PCDHGB5: variants seen among roughly 807,000 people sequenced by gnomAD.
PCDHGB5 encodes protocadherin gamma subfamily B, 5, also known as protocadherin gamma-B5.
A neutral mutation model predicts 62.9 loss-of-function variants in PCDHGB5; 48 were observed. The ratio of observed to expected loss-of-function variants is 0.76; its 90% CI spans 0.61 to 0.97. The LOEUF (loss-of-function observed/expected upper bound fraction) is 0.97. Ranked by LOEUF, PCDHGB5 falls within the 50% of genes least tolerant of loss-of-function variation. The pLI is 0.00. For missense variants in PCDHGB5, 1,118 were observed against 1,198.6 expected (o/e 0.93, Z 0.99); for synonymous variants, 474 against 511.2 (o/e 0.93, Z 0.98).
intron 1 of PCDHGB5, chr5:141,475,832 T>C: frequency 2.4e-6 from 1 of 410,610 alleles, no homozygotes; most frequent in Non-Finnish European, 4.4e-6. Flanking sequence ...CTAGCGCGTG[T>C]CCTGCTCAGA....
Position 141,485,434 on chromosome 5 carries a change from G to T in PCDHGB5, c.2398-9373G>T. The stretch of plus-strand genomic sequence containing the variant: ...TGGACAGCGGAGCCCTGCTCATCAA[G>T]AACCCAATCGACCGAGAGGCACTGT... On this transcript the variant is annotated intron_variant, in intron 1 of 3. Transcript: ENST00000617380. This position sits in a 1 kb window ranked among gnomAD's most constrained non-coding sequence, Gnocchi z 5.7. The T allele has an allele frequency of 6.2e-7, 1 of 1,614,166 alleles. No homozygotes were observed. The highest frequency in any genetic ancestry group is 1.6e-4 in the Middle Eastern group (1 of 6,062).
chr5:141,462,599 T>TGG (rs2099043404), intron 1 of PCDHGB5, among the ~76,000 whole-genome samples: 1 of 152,208 alleles, frequency 6.6e-6, no homozygotes, highest in African/African-American at 2.4e-5. Context: ...CCATTTCATA[T>TGG]ATTGTATTTT....
intron 1 of PCDHGB5, chr5:141,419,244 C>T (rs2096349736): frequency 1.2e-6 from 2 of 1,614,008 alleles, no homozygotes; most frequent in Non-Finnish European, 1.7e-6. Context: ...GTCCACGTGC[C>T]AGAAAACAAC....
At position 141,457,403 on chromosome 5, in the gene PCDHGB5, C is replaced by A. The variant is rs550748216; in HGVS notation, c.2398-37404C>A. On this transcript the variant is annotated intron_variant, in intron 1 of 3. Transcript: ENST00000617380. ...GAACTAGCATATTGATTCACATTTT[C>A]ACATTACCCATCCCTTTTTCCCCCC... Among the ~76,000 whole-genome samples, 4 of 152,328 alleles carry A rather than the reference C, an allele frequency of 2.6e-5. No homozygotes were observed. In the East Asian group the frequency reaches 7.7e-4, roughly 29 times the overall value.
chr5:141,431,190 A>G lies in PCDHGB5; in HGVS notation c.2397+30666A>G, dbSNP rs1363655439. 1 of 1,614,228 alleles carries G rather than the reference A, an allele frequency of 6.2e-7. No homozygotes were observed. Among genetic ancestry groups the G allele is most frequent in the Non-Finnish European group, 8.5e-7 (1 of 1,180,038 alleles). ...AGTGAATTAGAAATAAAAATTAGTGAAAATGCAGCCACTGAGATGCGGTTC... is the reference window on the plus strand; with the variant it reads ...AGTGAATTAGAAATAAAAATTAGTGGAAATGCAGCCACTGAGATGCGGTTC... On this transcript the variant is annotated intron_variant, in intron 1 of 3. Transcript: ENST00000617380. This position sits in a 1 kb window ranked among gnomAD's most constrained non-coding sequence, Gnocchi z 4.8.
chr5:141,466,975 A>G (rs769024064), intron 1 of PCDHGB5, among the ~76,000 whole-genome samples: 1 of 151,842 alleles, frequency 6.6e-6, no homozygotes, highest in Non-Finnish European at 1.5e-5. Flanking sequence ...CTCACAGCTC[A>G]TCATTTACCT....
intron 1 of PCDHGB5, among the ~76,000 whole-genome samples, chr5:141,437,573 G>A (rs923321760): frequency 1.3e-5 from 2 of 152,164 alleles, no homozygotes; most frequent in African/African-American, 4.8e-5. Flanking sequence ...GAGTATAGCT[G>A]TGATCATGAA....
chr5:141,504,224 C>T (rs2099836716), intron 2 of PCDHGB5, among the ~76,000 whole-genome samples: 2 of 152,160 alleles, frequency 1.3e-5, no homozygotes, highest in African/African-American at 4.8e-5. Flanking sequence ...TAGAGCTGAA[C>T]CTTCTAAGAA....
intron 1 of PCDHGB5, chr5:141,424,527 A>G (rs1164206187): frequency 1.3e-5 from 2 of 152,214 alleles, no homozygotes; most frequent in African/African-American, 2.4e-5. Flanking sequence ...GTAAATCCAT[A>G]TATAGAAATA....
chr5:141,471,006 T>A (rs560578929), intron 1 of PCDHGB5, among the ~76,000 whole-genome samples: 57 of 150,804 alleles, frequency 3.8e-4, no homozygotes, highest in African/African-American at 1.3e-3. Context: ...CATGAGCCAC[T>A]GTGCCTGGTC....
intron 1 of PCDHGB5, chr5:141,404,337 C>A (rs766940096): frequency 6.2e-6 from 10 of 1,613,902 alleles, no homozygotes; most frequent in Middle Eastern, 3.3e-4. Flanking sequence ...GTCTACCTCC[C>A]GGAAAACAAC....
In PCDHGB5 at chr5:141,486,581, C is replaced by T; in HGVS notation, c.2398-8226C>T. 1 of 1,613,764 alleles carries T rather than the reference C, an allele frequency of 6.2e-7. No individual in the cohort carries two copies. The highest frequency in any genetic ancestry group is 1.1e-5 in the South Asian group (1 of 91,082). On this transcript the variant is annotated intron_variant, in intron 1 of 3. Coordinates refer to ENST00000617380, the MANE Select transcript of PCDHGB5 (RefSeq NM_018925.3). This position sits in a 1 kb window ranked among gnomAD's most constrained non-coding sequence, Gnocchi z 5.0. ...GGTGTTTGTTCCTGAGAACAATCGC[C>T]CAGGGGACCTGCTTTGCTCCCTTGC... is the stretch of plus-strand genomic sequence containing the variant.
chr5:141,428,194 T>C (rs2097123409), intron 1 of PCDHGB5: 1 of 1,414,108 alleles, frequency 7.1e-7, no homozygotes, highest in Admixed American at 1.8e-5. Flanking sequence ...CGCCGCTCTC[T>C]GCGCCGCTAC....
chr5:141,486,146 G>T lies in PCDHGB5; in HGVS notation c.2398-8661G>T. Reference sequence around the variant, plus strand: ...TGAATTTGATGTGCGGGCTCGCGATGGGGGTTCTCCAGCCATGGAGCAACA... The same window carrying T: ...TGAATTTGATGTGCGGGCTCGCGATTGGGGTTCTCCAGCCATGGAGCAACA... On this transcript the variant is annotated intron_variant, in intron 1 of 3. Transcript: ENST00000617380. The surrounding 1 kb of genome is among the most constrained non-coding windows in gnomAD (Gnocchi z 5.0). 6.2e-7 allele frequency: 1 copy of T among 1,614,184 alleles called. No homozygotes were observed. The highest frequency in any genetic ancestry group is 8.5e-7 in the Non-Finnish European group (1 of 1,180,032).
chr5:141,455,822 CCCCTTTTCCTGT>C (rs2098832641), intron 1 of PCDHGB5, among the ~76,000 whole-genome samples: 2 of 151,688 alleles, frequency 1.3e-5, no homozygotes, highest in African/African-American at 4.8e-5. Flanking sequence ...TTCCCAAGGA[CCCCTTTTCCTGT>C]CTATCTGCAT....
At chr5:141,474,323 C>T (rs1176074252) in intron 1 of PCDHGB5, among the ~76,000 whole-genome samples, 2 of 152,186 alleles carry the variant, frequency 1.3e-5, no homozygotes, top group Non-Finnish European at 2.9e-5. Context: ...GTTTTCAAAT[C>T]ACCCTGATGT....
In PCDHGB5 at chr5:141,431,940, T is replaced by G; in HGVS notation, c.2397+31416T>G. ...ATCCAAGGAAATCTGCCCTTTAAAT[T>G]AGAAAAATCTTACGGAAATTACTAT... On this transcript the variant is annotated intron_variant, in intron 1 of 3. Coordinates refer to ENST00000617380, the MANE Select transcript of PCDHGB5 (RefSeq NM_018925.3). The surrounding 1 kb of genome is among the most constrained non-coding windows in gnomAD (Gnocchi z 4.8). 2 of 1,614,132 alleles carry G rather than the reference T, an allele frequency of 1.2e-6. No homozygotes were observed. Among genetic ancestry groups the G allele is most frequent in the Non-Finnish European group, 1.7e-6 (2 of 1,179,998 alleles).
intron 1 of PCDHGB5, among the ~76,000 whole-genome samples, chr5:141,474,448 A>G (rs1350019257): frequency 3.3e-5 from 5 of 152,204 alleles, no homozygotes; most frequent in Non-Finnish European, 5.9e-5. Context: ...GTAGCAAGTG[A>G]TTGGGCTATA....
chr5:141,419,505 G>A lies in PCDHGB5; in HGVS notation c.2397+18981G>A, dbSNP rs115850576. The A allele has an allele frequency of 8.4e-4, 1,351 of 1,612,324 alleles. 13 individuals are homozygous for A. In the African/African-American group the frequency reaches 0.015, roughly 18 times the overall value. The stretch of plus-strand genomic sequence containing the variant: ...GCGCTCAGCGCCAATGTGAGCCTGC[G>A]CGTGTTGGTGGGCGACCGTAACGAC... On this transcript the variant is annotated intron_variant, in intron 1 of 3. Transcript: ENST00000617380.
Sources: allele counts gnomAD v4.1 joint callset (sites outside exome capture counted in the v4.1 genomes callset), GRCh38; gene constraint gnomAD v4.1.1; non-coding constraint Gnocchi (gnomAD v3.1); transcripts MANE v1.5; gene names NCBI Gene and HGNC (gene_info 2026-07-23, HGNC 2026-07-21).